The following SACM1L variants were observed in gnomAD, a reference collection of about 807,000 sequenced individuals.
The protein encoded by SACM1L is phosphatidylinositol-3-phosphatase SAC1.
SACM1L carries 32 observed loss-of-function variants against 89.5 expected under a neutral mutation model. The ratio of observed to expected loss-of-function variants is 0.36; its 90% CI spans 0.27 to 0.48. SACM1L has a LOEUF of 0.48. Ranked by LOEUF, SACM1L falls within the 20% of genes least tolerant of loss-of-function variation. The pLI is 0.99. For missense variants in SACM1L, 543 were observed against 708.5 expected (o/e 0.77, Z 2.65); for synonymous variants, 213 against 232.8 (o/e 0.92, Z 0.77).
At chr3:45,736,810 A>G (rs1019201891) in intron 14 of SACM1L, among the ~76,000 whole-genome samples, 1 of 152,160 alleles carries the variant, frequency 6.6e-6, no homozygotes, top group Non-Finnish European at 1.5e-5. Context: ...AGCTTTGCCT[A>G]CTAGTGTAGG....
intron 13 of SACM1L, among the ~76,000 whole-genome samples, chr3:45,732,696 A>G (rs1699102555): frequency 6.6e-6 from 1 of 152,226 alleles, no homozygotes; most frequent in East Asian, 1.9e-4. Context: ...TCTTCAGAGT[A>G]GGATTAATGG....
intron 4 of SACM1L, among the ~76,000 whole-genome samples, chr3:45,707,857 A>G (rs1698433772): frequency 6.6e-6 from 1 of 152,150 alleles, no homozygotes; most frequent in South Asian, 2.1e-4. Flanking sequence ...TCTATATGAC[A>G]AGAAGGCGGC....
intron 6 of SACM1L, chr3:45,713,434 A>T (rs1169266137): frequency 6.4e-6 from 2 of 314,476 alleles, no homozygotes; most frequent in Non-Finnish European, 1.2e-5. Flanking sequence ...GCTTTGTCTA[A>T]CTAAGAGAGA....
intron 13 of SACM1L, among the ~76,000 whole-genome samples, chr3:45,734,136 G>T (rs2742463): frequency 0.62 from 89,052 of 142,664 alleles, 28,214 homozygotes; most frequent in Non-Finnish European, 0.66. Context: ...TTTTTGGCTG[G>T]GGGCTGTGGC....
chr3:45,718,115 T>G (rs1273367822), intron 7 of SACM1L, among the ~76,000 whole-genome samples: 1 of 152,192 alleles, frequency 6.6e-6, no homozygotes, highest in African/African-American at 2.4e-5. Flanking sequence ...GCAACACTGT[T>G]CATAATAGTA....
chr3:45,702,984 A>C (rs1406774677), intron 1 of SACM1L, among the ~76,000 whole-genome samples: 1 of 152,212 alleles, frequency 6.6e-6, no homozygotes, highest in Non-Finnish European at 1.5e-5. Context: ...AGATGTTCAA[A>C]GTACTTACCA....
chr3:45,693,882 TTTTAAGCCATTTGTATA>T (rs1484575293), intron 1 of SACM1L, among the ~76,000 whole-genome samples: 1 of 152,230 alleles, frequency 6.6e-6, no homozygotes, highest in Non-Finnish European at 1.5e-5. Flanking sequence ...CCATTTTTCT[TTTTAAGCCATTTGTATA>T]GGCATGGATA....
rs990282570 is a variant in SACM1L at position 45,745,188 on chromosome 3, A to G, written c.*1519A>G. 1 of 152,624 alleles carries G rather than the reference A, an allele frequency of 6.6e-6. No individual in the cohort carries two copies. The highest frequency in any genetic ancestry group is 2.4e-5 in the African/African-American group (1 of 41,470). The allele number at this position is 152,624 out of a possible 1,614,324, so 9.5% of individuals were successfully genotyped here. On this transcript the variant is annotated 3_prime_UTR_variant, in exon 20 of 20. Transcript: ENST00000389061. ...ACTTAGTTCATGTCTGCTGTAAAATATTATTTAAATGCTGCTGGGCATTTC... is the reference window on the plus strand; with the variant it reads ...ACTTAGTTCATGTCTGCTGTAAAATGTTATTTAAATGCTGCTGGGCATTTC...
intron 4 of SACM1L, among the ~76,000 whole-genome samples, chr3:45,708,096 CAA>C (rs547180925): frequency 2.6e-5 from 4 of 150,944 alleles, no homozygotes; most frequent in Admixed American, 6.6e-5. Flanking sequence ...AATGTTTTGA[CAA>C]AAAAAATTTT....
At chr3:45,699,647 C>T (rs2125683367) in intron 1 of SACM1L, among the ~76,000 whole-genome samples, 1 of 152,102 alleles carries the variant, frequency 6.6e-6, no homozygotes, top group African/African-American at 2.4e-5. Flanking sequence ...CCTGCCTTAG[C>T]CTTAGCGGGG....
intron 7 of SACM1L, among the ~76,000 whole-genome samples, chr3:45,718,187 A>G (rs1698707594): frequency 6.6e-6 from 1 of 152,226 alleles, no homozygotes; most frequent in South Asian, 2.1e-4. Context: ...TAATCTAGTC[A>G]TATAGTGGAA....
intron 19 of SACM1L, among the ~76,000 whole-genome samples, chr3:45,740,637 G>A (rs1699292959): frequency 6.6e-6 from 1 of 152,168 alleles, no homozygotes; most frequent in African/African-American, 2.4e-5. Flanking sequence ...GGCAGAAAAG[G>A]AGAAAATATT....
intron 1 of SACM1L, among the ~76,000 whole-genome samples, chr3:45,699,071 T>C (rs1392079732): frequency 6.6e-6 from 1 of 152,194 alleles, no homozygotes; most frequent in African/African-American, 2.4e-5. Context: ...GCGCCTGGCC[T>C]GTAATACAGT....
At chr3:45,721,740 A>T (rs1305551643) in intron 8 of SACM1L, among the ~76,000 whole-genome samples, 2 of 152,194 alleles carry the variant, frequency 1.3e-5, no homozygotes, top group Non-Finnish European at 2.9e-5. Flanking sequence ...TGTATGTAGA[A>T]ACAATGTATT....
At chr3:45,728,396 AT>A (rs1423242888) in intron 11 of SACM1L, among the ~76,000 whole-genome samples, 1 of 151,324 alleles carries the variant, frequency 6.6e-6, no homozygotes, top group South Asian at 2.1e-4. Context: ...TGCTTAGTTG[AT>A]TTTTTTTGGT....
intron 11 of SACM1L, among the ~76,000 whole-genome samples, chr3:45,724,298 G>GGTGT (rs61075879): frequency 0.23 from 32,354 of 139,522 alleles, 3,913 homozygotes; most frequent in Admixed American, 0.27. Flanking sequence ...GTTGTTTTCT[G>GGTGT]GTGTGTGTGT....
At chr3:45,738,389 A>G (rs1699247334) in intron 16 of SACM1L, among the ~76,000 whole-genome samples, 189 bp from the exon 17 acceptor site, 1 of 152,112 alleles carries the variant, frequency 6.6e-6, no homozygotes, top group African/African-American at 2.4e-5. Context: ...TCCTTTGGTA[A>G]TATTTTAGAA....
chr3:45,732,477 A>G (rs1699097884), intron 13 of SACM1L, among the ~76,000 whole-genome samples: 1 of 152,106 alleles, frequency 6.6e-6, no homozygotes, highest in Non-Finnish European at 1.5e-5. Flanking sequence ...TATCACAAGT[A>G]TTTTGTTGTT....
intron 10 of SACM1L, 111 bp downstream of exon 10, chr3:45,723,066 G>A: frequency 2.2e-6 from 2 of 890,686 alleles, no homozygotes; most frequent in Non-Finnish European, 3.5e-6. Flanking sequence ...CAACATCTTT[G>A]AGGCTATTCT....
Sources: allele counts gnomAD v4.1 joint callset (sites outside exome capture counted in the v4.1 genomes callset), GRCh38; gene constraint gnomAD v4.1.1; transcripts MANE v1.5; gene names NCBI Gene and HGNC (gene_info 2026-07-23, HGNC 2026-07-21).